Variants in TASP1 observed in about 807,000 individuals in gnomAD.
The protein encoded by TASP1 is taspase 1.
Under a neutral mutation model 56.6 loss-of-function variants are expected in TASP1, and 16 were observed. The ratio of observed to expected loss-of-function variants is 0.28; its 90% CI spans 0.19 to 0.43. TASP1 has a LOEUF of 0.43. Among genes scored for constraint, TASP1 ranks in the 20% least tolerant of loss-of-function variants. The pLI is 1.00. For synonymous variants in TASP1, 179 were observed against 184.2 expected, an observed-to-expected ratio of 0.97 and a Z score of 0.23; for missense variants, 393 against 511.6, an observed-to-expected ratio of 0.77 and a Z score of 2.24.
At chr20:13,275,002 C>T in the TASP1 span, among the ~76,000 whole-genome samples, 5 of 152,190 alleles carry the variant, frequency 3.3e-5, no homozygotes, top group South Asian at 1.0e-3. Context: ...ACTTTGGTAT[C>T]CTTGGCTGGG....
the TASP1 span, among the ~76,000 whole-genome samples, chr20:13,367,514 G>A: frequency 6.6e-6 from 1 of 152,168 alleles, no homozygotes; most frequent in African/African-American, 2.4e-5. Context: ...AATGAAATTG[G>A]ATATCCTTTA....
At chr20:13,510,926 G>C (rs2044303758) in intron 10 of TASP1, among the ~76,000 whole-genome samples, 1 of 151,996 alleles carries the variant, frequency 6.6e-6, no homozygotes, top group Non-Finnish European at 1.5e-5. Flanking sequence ...TAGGATACCG[G>C]TGGCCACCAC....
chr20:13,241,095 T>C, the TASP1 span, among the ~76,000 whole-genome samples: 1 of 152,106 alleles, frequency 6.6e-6, no homozygotes, highest in Non-Finnish European at 1.5e-5. Flanking sequence ...CGAATGCTGC[T>C]GTGAGAACAA....
chr20:13,542,024 G>A (rs1175591202), intron 8 of TASP1, among the ~76,000 whole-genome samples: 5 of 139,774 alleles, frequency 3.6e-5, no homozygotes, highest in African/African-American at 8.2e-5. Flanking sequence ...CAGCCTGGGC[G>A]ACAGAGCAAG....
chr20:13,427,092 G>C (rs981782577), intron 12 of TASP1, among the ~76,000 whole-genome samples: 1 of 152,194 alleles, frequency 6.6e-6, no homozygotes, highest in Non-Finnish European at 1.5e-5. Flanking sequence ...TGTGGCATGT[G>C]CCATGTAATG....
At chr20:13,453,030 G>C (rs1307798935) in intron 11 of TASP1, among the ~76,000 whole-genome samples, 1 of 152,070 alleles carries the variant, frequency 6.6e-6, no homozygotes, top group African/African-American at 2.4e-5. Flanking sequence ...ACATGGAATA[G>C]TTTTGTCAAA....
At chr20:13,395,514 T>C (rs1003812647) in intron 13 of TASP1, among the ~76,000 whole-genome samples, 2 of 152,326 alleles carry the variant, frequency 1.3e-5, no homozygotes, top group East Asian at 1.9e-4. Flanking sequence ...ATACTGTGTA[T>C]AGTTTATAGA....
At chr20:13,110,483 A>T in the TASP1 span, among the ~76,000 whole-genome samples, 1 of 152,112 alleles carries the variant, frequency 6.6e-6, no homozygotes, top group Non-Finnish European at 1.5e-5. Context: ...TGCTAACTTG[A>T]GTTGATCTTT....
chr20:13,160,973 C>T, the TASP1 span, among the ~76,000 whole-genome samples: 1 of 152,090 alleles, frequency 6.6e-6, no homozygotes, highest in Non-Finnish European at 1.5e-5. Context: ...GTGACACAAT[C>T]ATGTCATTAT....
intron 11 of TASP1, among the ~76,000 whole-genome samples, chr20:13,451,352 G>C (rs907650998): frequency 4.6e-5 from 7 of 152,020 alleles, no homozygotes; most frequent in African/African-American, 1.7e-4. Context: ...GACTTCTCCT[G>C]GCCAGCTATG....
chr20:13,209,277 G>T, the TASP1 span, among the ~76,000 whole-genome samples: 7 of 152,180 alleles, frequency 4.6e-5, no homozygotes, highest in African/African-American at 1.7e-4. Flanking sequence ...AATCCACTGA[G>T]ATTTTGGTGT....
At chr20:13,364,977 CA>C in the TASP1 span, among the ~76,000 whole-genome samples, 1 of 151,932 alleles carries the variant, frequency 6.6e-6, no homozygotes, top group Admixed American at 6.6e-5. Context: ...TATGAGTCAG[CA>C]AATGAAAAGA....
At chr20:13,411,057 T>C (rs1242935234) in intron 13 of TASP1, among the ~76,000 whole-genome samples, 1 of 152,052 alleles carries the variant, frequency 6.6e-6, no homozygotes, top group Non-Finnish European at 1.5e-5. Context: ...GAATATCTAA[T>C]TTTCCCAGCA....
At chr20:13,126,917 C>T in the TASP1 span, among the ~76,000 whole-genome samples, 2 of 152,218 alleles carry the variant, frequency 1.3e-5, no homozygotes, top group African/African-American at 2.4e-5. Flanking sequence ...TCTAATTTAC[C>T]TCATTGTGAA....
At chr20:13,578,862 T>G (rs2047018585) in intron 6 of TASP1, among the ~76,000 whole-genome samples, 1 of 152,198 alleles carries the variant, frequency 6.6e-6, no homozygotes, top group South Asian at 2.1e-4. Flanking sequence ...TATAACAGTA[T>G]CATGCTATCC....
At chr20:13,633,121 GA>G (rs2049159399) in intron 1 of TASP1, among the ~76,000 whole-genome samples, 1 of 152,126 alleles carries the variant, frequency 6.6e-6, no homozygotes, top group African/African-American at 2.4e-5. Context: ...TGTCTTGATG[GA>G]AGTGGTTAAA....
At chr20:13,462,342 TTA>T (rs2044083710) in intron 11 of TASP1, among the ~76,000 whole-genome samples, 1 of 152,180 alleles carries the variant, frequency 6.6e-6, no homozygotes, top group South Asian at 2.1e-4. Flanking sequence ...GTATTTAATT[TTA>T]GTTAATTTAA....
intron 13 of TASP1, among the ~76,000 whole-genome samples, chr20:13,399,498 ATTC>A (rs764569355): frequency 3.3e-5 from 5 of 152,124 alleles, no homozygotes; most frequent in Non-Finnish European, 5.9e-5. Flanking sequence ...TGGCAATTCT[ATTC>A]TTCTGTTTAG....
intron 13 of TASP1, among the ~76,000 whole-genome samples, chr20:13,400,740 G>T (rs964585319): frequency 6.6e-6 from 1 of 152,104 alleles, no homozygotes; most frequent in Non-Finnish European, 1.5e-5. Flanking sequence ...AGAGAACAGC[G>T]CAACCATAGC....
Sources: allele counts gnomAD v4.1 joint callset (sites outside exome capture counted in the v4.1 genomes callset), GRCh38; gene constraint gnomAD v4.1.1; transcripts MANE v1.5; gene names NCBI Gene and HGNC (gene_info 2026-07-23, HGNC 2026-07-21).